Variants in CYP24A1 observed in about 807,000 individuals in gnomAD.
CYP24A1 encodes cytochrome P450 family 24 subfamily A member 1.
A neutral mutation model predicts 62.4 loss-of-function variants in CYP24A1; 68 were observed. The observed-to-expected ratio is 1.09, with a 90% CI of 0.90 to 1.33. The LOEUF (loss-of-function observed/expected upper bound fraction) is 1.33. Ranked by LOEUF, CYP24A1 falls within the 40% of genes most tolerant of loss-of-function variation. The pLI is 0.00. For synonymous variants in CYP24A1, 267 were observed against 253.0 expected (o/e 1.06, Z -0.52); for missense variants, 787 against 653.0 (o/e 1.21, Z -2.24).
downstream of CYP24A1, among the ~76,000 whole-genome samples, chr20:54,150,079 A>C (rs1239503296): frequency 1.3e-5 from 2 of 152,194 alleles, no homozygotes; most frequent in Non-Finnish European, 1.5e-5. Flanking sequence ...CCACTGCTTA[A>C]GGTCATCGCT....
Position 54,157,283 on chromosome 20 carries a change from G to T in CYP24A1, c.1441C>A (p.Arg481Ser). ...TCTGTGGCCTGGATGTCGTATTTGCGGACAATCTGTAATGCACACGCACAC... is the reference window on the plus strand; with the variant it reads ...TCTGTGGCCTGGATGTCGTATTTGCTGACAATCTGTAATGCACACGCACAC... Reference protein sequence around the residue: ...QLHLALCWIVRKYDIQATDNE... With the variant: ...QLHLALCWIVSKYDIQATDNE... The change falls in exon 11 of 12, where the codon CGC becomes AGC. Residue 481 changes from arginine to serine, a missense_variant. Coordinates refer to ENST00000216862, the MANE Select transcript of CYP24A1 (RefSeq NM_000782.5). 6.2e-7 allele frequency: 1 copy of T among 1,602,756 alleles called. No homozygotes were observed. Among genetic ancestry groups the T allele is most frequent in the South Asian group, 1.1e-5 (1 of 90,794 alleles).
the CYP24A1 span, among the ~76,000 whole-genome samples, chr20:54,144,860 C>A: frequency 6.6e-6 from 1 of 152,040 alleles, no homozygotes; most frequent in Admixed American, 6.6e-5. Context: ...TTACCCAGTT[C>A]AGTTTAGAAG....
chr20:54,145,286 A>G, the CYP24A1 span, among the ~76,000 whole-genome samples: 2 of 104,274 alleles, frequency 1.9e-5, no homozygotes, highest in Admixed American at 1.8e-4. Context: ...GCTCTAAGTT[A>G]AAAAAAAAAA....
intron 3 of CYP24A1, among the ~76,000 whole-genome samples, chr20:54,170,134 T>G (rs1230247330): frequency 6.6e-6 from 1 of 152,160 alleles, no homozygotes; most frequent in Non-Finnish European, 1.5e-5. Context: ...GGTGGTTATG[T>G]TAAGCATGTT....
At chr20:54,157,636 T>C (rs1276334113) in intron 9 of CYP24A1, 51 bp from the exon 10 acceptor site, 1 of 1,068,436 alleles carries the variant, frequency 9.4e-7, no homozygotes, top group Admixed American at 1.7e-5. Flanking sequence ...AAGAGACCTT[T>C]GAATGGCAAA....
At chr20:54,164,403 A>G (rs2092663282) in intron 6 of CYP24A1, 49 bp downstream of exon 6, 4 of 1,613,462 alleles carry the variant, frequency 2.5e-6, no homozygotes, top group African/African-American at 1.3e-5. Flanking sequence ...AGCTCCAGAC[A>G]CGGGGGTGCT....
chr20:54,165,549 C>A (rs1023959699), intron 5 of CYP24A1, among the ~76,000 whole-genome samples, 193 bp downstream of exon 5: 3 of 152,268 alleles, frequency 2.0e-5, no homozygotes, highest in Admixed American at 6.5e-5. Context: ...GTCCCTGGTG[C>A]CAAAAAGGTT....
In CYP24A1 at chr20:54,153,628, A is replaced by G. The variant is rs1324040660; in HGVS notation, c.*1144T>C. Reference sequence around the variant, plus strand: ...AATGTATATTTCTGAAATATTCTAAAAATATAATGTAGGAAGAAATATTTA... The same window carrying G: ...AATGTATATTTCTGAAATATTCTAAGAATATAATGTAGGAAGAAATATTTA... On this transcript the variant is annotated 3_prime_UTR_variant, in exon 12 of 12. Transcript: ENST00000216862. 2.6e-5 allele frequency: 4 copies of G among 152,670 alleles called. No individual in the cohort carries two copies. Among genetic ancestry groups the G allele is most frequent in the Non-Finnish European group, 2.9e-5 (2 of 68,042 alleles). The allele number at this position is 152,670 out of a possible 1,614,324, so 9.5% of individuals were successfully genotyped here.
In CYP24A1 at chr20:54,169,602, C is replaced by G. The variant is rs1210948524; in HGVS notation, c.630G>C (p.Trp210Cys). 1.9e-6 allele frequency: 3 copies of G among 1,614,176 alleles called. No individual in the cohort carries two copies. The highest frequency in any genetic ancestry group is 1.7e-6 in the Non-Finnish European group (2 of 1,180,020). The change falls in exon 4 of 12, where the codon TGG becomes TGC. Residue 210 changes from tryptophan (W) to cysteine (C), a missense_variant. Coordinates refer to ENST00000216862, the MANE Select transcript of CYP24A1 (RefSeq NM_000782.5). ...GTGACGACAACTTACTTTCAAACGA[C>G]CATTTGTTCAGTTCGCTGTACAAGT... Reference protein sequence around the residue: ...VEDLYSELNKWSFESICLVLY... With the variant: ...VEDLYSELNKCSFESICLVLY...
chr20:54,146,703 CA>C, the CYP24A1 span, among the ~76,000 whole-genome samples: 1 of 152,124 alleles, frequency 6.6e-6, no homozygotes, highest in Non-Finnish European at 1.5e-5. Flanking sequence ...ATTGCACACC[CA>C]GTTTTATGAA....
At chr20:54,158,875 C>T (rs1459132058) in intron 8 of CYP24A1, 82 bp downstream of exon 8, 1 of 1,608,420 alleles carries the variant, frequency 6.2e-7, no homozygotes, top group African/African-American at 1.3e-5. Context: ...GGGAAGCCGC[C>T]CATGAGTAGG....
At position 54,159,004 on chromosome 20, in the gene CYP24A1, ATCT is replaced by A. The variant is rs745526991; in HGVS notation, c.1107_1109del (p.Glu369del). The A allele has an allele frequency of 1.5e-5, 25 of 1,614,148 alleles. No individual in the cohort carries two copies. In the South Asian group the frequency reaches 2.6e-4, roughly 17 times the overall value. On this transcript the variant is annotated inframe_deletion, in exon 8 of 12. Transcript: ENST00000216862. ...CTTTTAAATACGGCATATTCCTCAA[ATCT>A]TCTGCCCGTGGCACCTGATTCTCAG... is the stretch of plus-strand genomic sequence containing the variant.
At chr20:54,156,370 A>C (rs2092627907) in intron 11 of CYP24A1, among the ~76,000 whole-genome samples, 1 of 152,206 alleles carries the variant, frequency 6.6e-6, no homozygotes, top group East Asian at 1.9e-4. Context: ...AGAGATTCAA[A>C]GTGTGAGAGG....
At chr20:54,163,916 A>C (rs1001379856) in intron 6 of CYP24A1, among the ~76,000 whole-genome samples, 3 of 152,184 alleles carry the variant, frequency 2.0e-5, no homozygotes, top group Admixed American at 1.3e-4. Context: ...ACTTGAACTC[A>C]GGAGTCCCTG....
At position 54,173,360 on chromosome 20, in the gene CYP24A1, G is replaced by T; in HGVS notation, c.220C>A (p.Leu74Ile). The T allele has an allele frequency of 6.2e-7, 1 of 1,605,524 alleles. No homozygotes were observed. ...WPLLGSLLQILWKGGLKKQHD... is the reference protein window; with the variant it reads ...WPLLGSLLQIIWKGGLKKQHD... ...TGTTTCTTGAGACCCCCTTTCCAGA[G>T]AATCTGCAGCAGGCTGCCCAGCAGT... Residue 74 changes from leucine to isoleucine, a missense_variant, in exon 1 of 12, where the codon CTC becomes ATC. By Grantham distance (5) the Leu-to-Ile change is conservative. Coordinates refer to ENST00000216862, the MANE Select transcript of CYP24A1 (RefSeq NM_000782.5). This position sits in a 1 kb window ranked among gnomAD's most constrained non-coding sequence, Gnocchi z 7.2.
intron 4 of CYP24A1, among the ~76,000 whole-genome samples, chr20:54,168,895 C>CCT: frequency 7.2e-6 from 1 of 139,720 alleles, no homozygotes; most frequent in Middle Eastern, 3.6e-3. Context: ...TCCTTCCTTT[C>CCT]TCTGTCTCTC....
rs760954514 is a variant in CYP24A1 at position 54,165,878 on chromosome 20, G to A, written c.641-45C>T. 3.2e-6 allele frequency: 3 copies of A among 927,432 alleles called. No homozygotes were observed. In the South Asian group the frequency reaches 3.9e-5, roughly 12 times the overall value. The allele number at this position is 927,432 out of a possible 1,614,324, so 57.5% of individuals were successfully genotyped here. ...TCACTTTACACAAACAGCAATGCTG[G>A]AGTTGGAGTCTATGTTTAGCTGGTT... On this transcript the variant is annotated intron_variant, in intron 4 of 11. Coordinates refer to ENST00000216862, the MANE Select transcript of CYP24A1 (RefSeq NM_000782.5).
At position 54,159,089 on chromosome 20, in the gene CYP24A1, A is replaced by G. The variant is rs1464883950; in HGVS notation, c.1025T>C (p.Leu342Ser). ...TTGTTGCACTTGGGGATTACGGGAT[A>G]AATTGTAGAGAATCCACATTAGACT... Reference protein sequence around the residue: ...ANSLMWILYNLSRNPQVQQKL... With the variant: ...ANSLMWILYNSSRNPQVQQKL... The change falls in exon 8 of 12, where the codon TTA (leucine) becomes TCA (serine). Residue 342 changes from leucine to serine, a missense_variant. Transcript: ENST00000216862. 6.2e-7 allele frequency: 1 copy of G among 1,614,118 alleles called. No homozygotes were observed. The highest frequency in any genetic ancestry group is 8.5e-7 in the Non-Finnish European group (1 of 1,179,932).
downstream of CYP24A1, among the ~76,000 whole-genome samples, chr20:54,151,756 C>G (rs986591643): frequency 9.2e-5 from 14 of 151,772 alleles, no homozygotes; most frequent in African/African-American, 2.9e-4. Flanking sequence ...TAGAGATGAG[C>G]AGTACATGAC....
Sources: allele counts gnomAD v4.1 joint callset (sites outside exome capture counted in the v4.1 genomes callset), GRCh38; gene constraint gnomAD v4.1.1; non-coding constraint Gnocchi (gnomAD v3.1); transcripts MANE v1.5; gene names NCBI Gene and HGNC (gene_info 2026-07-23, HGNC 2026-07-21).